The following ELF1 variants were observed in gnomAD, a reference collection of about 807,000 sequenced individuals.
ELF1 encodes the protein E74 like ETS transcription factor 1.
ELF1 carries 24 observed loss-of-function variants against 59.9 expected under a neutral mutation model. The observed-to-expected ratio is 0.40, with a 90% CI of 0.29 to 0.56. The LOEUF is 0.56. Ranked by LOEUF, ELF1 falls within the 20% of genes least tolerant of loss-of-function variation. ELF1 has a pLI of 0.44. For synonymous variants in ELF1, 248 were observed against 266.2 expected, an observed-to-expected ratio of 0.93 and a Z score of 0.67; for missense variants, 627 against 742.2, an observed-to-expected ratio of 0.84 and a Z score of 1.80.
chr13:41,035,157 G>A (rs1323208360), intron 1 of ELF1, among the ~76,000 whole-genome samples: 4 of 152,302 alleles, frequency 2.6e-5, no homozygotes, highest in Non-Finnish European at 5.9e-5. Context: ...ACTGCTATGC[G>A]CAAAGCACTC....
intron 3 of ELF1, among the ~76,000 whole-genome samples, chr13:40,957,727 T>C (rs1430530029): frequency 6.6e-6 from 1 of 152,088 alleles, no homozygotes; most frequent in Non-Finnish European, 1.5e-5. Context: ...CAGTCTCAGG[T>C]AGTTCTTTAT....
At chr13:41,044,001 A>G (rs1231390629) in intron 1 of ELF1, among the ~76,000 whole-genome samples, 1 of 152,202 alleles carries the variant, frequency 6.6e-6, no homozygotes, top group Non-Finnish European at 1.5e-5. Flanking sequence ...TTCTCCTTGA[A>G]GAGGTCCTTC....
chr13:40,955,776 G>C lies in ELF1; in HGVS notation c.253+3060C>G, dbSNP rs865963610. On this transcript the variant is annotated intron_variant, in intron 3 of 8. Coordinates refer to ENST00000239882, the MANE Select transcript of ELF1 (RefSeq NM_172373.4). ...CCGCCCCGTCCGGGAGGGAGGCGGG[G>C]GGGTCAGCCCCCCGCCCGGCCAGCC... is the stretch of plus-strand genomic sequence containing the variant. Among the ~76,000 whole-genome samples, 104 of 55,624 alleles carry C rather than the reference G, an allele frequency of 1.9e-3. 2 individuals carry two copies. The highest frequency in any genetic ancestry group is 0.013 in the African/African-American group (90 of 6,914). 36.5% of individuals were successfully genotyped at this position (55,624 alleles called of 152,430 possible). A position where few individuals can be genotyped will look rare whatever the true frequency, so the allele number is the denominator to read the frequency against.
At chr13:40,978,449 AG>A (rs754148919) in intron 2 of ELF1, among the ~76,000 whole-genome samples, 8 of 152,030 alleles carry the variant, frequency 5.3e-5, no homozygotes, top group Non-Finnish European at 8.8e-5. Context: ...AGGAGTGAAG[AG>A]AATAAAGCTT....
intron 1 of ELF1, among the ~76,000 whole-genome samples, chr13:40,996,181 A>G (rs1385760230): frequency 6.6e-6 from 1 of 152,218 alleles, no homozygotes; most frequent in Non-Finnish European, 1.5e-5. Flanking sequence ...AAAGCAGGCA[A>G]GGATGTGGAA....
rs549828247 is a variant in ELF1 at position 41,012,270 on chromosome 13, G to A, written c.-229+6958C>T. On this transcript the variant is annotated intron_variant, in intron 1 of 8. Transcript: ENST00000239882. ...AGAGGTTGCAGAGAGCCGAGATTGT[G>A]CCACTCCACTCCAGCCTGAGCGACA... 2.9e-3 allele frequency among the ~76,000 whole-genome samples: 391 copies of A among 133,640 alleles called. 1 individual carries two copies. The highest frequency in any genetic ancestry group is 0.011 in the African/African-American group (373 of 34,978). 87.7% of individuals were successfully genotyped at this position (133,640 alleles called of 152,430 possible).
chr13:41,060,969 A>G, exon 1 of ELF1: 1 of 323,112 alleles, frequency 3.1e-6, no homozygotes, highest in Non-Finnish European at 6.2e-6. Context: ...CACGCTCCCG[A>G]GCTAGGGAAC....
At chr13:40,937,738 G>A (rs1273914081) in intron 8 of ELF1, among the ~76,000 whole-genome samples, 2 of 152,086 alleles carry the variant, frequency 1.3e-5, no homozygotes, top group African/African-American at 4.8e-5. Flanking sequence ...CACAGTGCTG[G>A]GATTACAGGC....
In ELF1 at chr13:40,949,806, C is replaced by G; in HGVS notation, c.529G>C (p.Gly177Arg). The G allele has an allele frequency of 6.2e-7, 1 of 1,613,306 alleles. No homozygotes were observed. Among genetic ancestry groups the G allele is most frequent in the Non-Finnish European group, 8.5e-7 (1 of 1,179,678 alleles). ...GCCCTAAACAAAGTAACCCACCTACCTTTTTTCCTCTTAGGCTGTTCTGGT... is the reference window on the plus strand; with the variant it reads ...GCCCTAAACAAAGTAACCCACCTACGTTTTTTCCTCTTAGGCTGTTCTGGT... Reference protein sequence around the residue: ...SSPEQPKRKKGRKTKPPRPDS... With the variant: ...SSPEQPKRKKRRKTKPPRPDS... Residue 177 changes from glycine to arginine, a missense_variant and splice_region_variant, in exon 5 of 9, where the codon GGA becomes CGA. By Grantham distance (125) the Gly-to-Arg change is moderately radical. Transcript: ENST00000239882.
intron 2 of ELF1, among the ~76,000 whole-genome samples, chr13:40,960,471 T>C (rs1299104430): frequency 2.0e-5 from 3 of 152,246 alleles, no homozygotes; most frequent in African/African-American, 7.2e-5. Flanking sequence ...TATTTCCTTA[T>C]GATTAGATTC....
At chr13:40,997,903 C>A (rs913125157) in intron 1 of ELF1, among the ~76,000 whole-genome samples, 2 of 152,110 alleles carry the variant, frequency 1.3e-5, no homozygotes, top group Non-Finnish European at 2.9e-5. Context: ...ATAATCCCAG[C>A]ACTTTGGGAG....
At chr13:41,043,259 G>A (rs1471900573) in intron 1 of ELF1, among the ~76,000 whole-genome samples, 1 of 152,182 alleles carries the variant, frequency 6.6e-6, no homozygotes. Context: ...TAGGTTGCCT[G>A]TTCACTCTGA....
At chr13:40,990,612 T>C (rs1429528523) in intron 1 of ELF1, among the ~76,000 whole-genome samples, 1 of 152,010 alleles carries the variant, frequency 6.6e-6, no homozygotes, top group Non-Finnish European at 1.5e-5. Flanking sequence ...TCCCAGCACT[T>C]TGGAGGCTGA....
intron 1 of ELF1, chr13:40,982,761 A>G (rs1746167625): frequency 2.0e-6 from 1 of 504,204 alleles, no homozygotes; most frequent in South Asian, 8.6e-5. Context: ...GTTTAGTAAG[A>G]AGTATTTTTA....
At chr13:40,936,522 G>C (rs548999712) in intron 8 of ELF1, among the ~76,000 whole-genome samples, 1 of 152,164 alleles carries the variant, frequency 6.6e-6, no homozygotes, top group East Asian at 1.9e-4. Flanking sequence ...GGGAGTCCAA[G>C]GTGGGTGGAT....
chr13:40,940,830 T>A (rs1478055929), intron 8 of ELF1, 91 bp downstream of exon 8: 10 of 1,380,314 alleles, frequency 7.2e-6, no homozygotes, highest in Non-Finnish European at 8.7e-6. Context: ...ATACTTTTAT[T>A]TTCATTTCTG....
At chr13:41,050,838 C>G (rs1877057955) in intron 1 of ELF1, among the ~76,000 whole-genome samples, 1 of 152,220 alleles carries the variant, frequency 6.6e-6, no homozygotes. Flanking sequence ...CATGAGCCAC[C>G]ACACCCGGCC....
At chr13:41,001,340 C>T (rs1330990805) in intron 1 of ELF1, among the ~76,000 whole-genome samples, 1 of 152,028 alleles carries the variant, frequency 6.6e-6, no homozygotes, top group Non-Finnish European at 1.5e-5. Flanking sequence ...GTAATCCCAA[C>T]ACCTTGAGAT....
chr13:40,971,984 A>G (rs755859061), intron 2 of ELF1, among the ~76,000 whole-genome samples: 2 of 152,122 alleles, frequency 1.3e-5, no homozygotes, highest in African/African-American at 2.4e-5. Flanking sequence ...ACCAGATGTA[A>G]ATGTTTACTT....
Sources: gnomAD v4.1 joint callset for allele counts (sites outside exome capture counted in the v4.1 genomes callset) on GRCh38, gnomAD v4.1.1 for gene constraint, MANE v1.5 for transcripts, NCBI Gene and HGNC (gene_info 2026-07-23, HGNC 2026-07-21) for gene names.